ZNF430: variants seen among roughly 807,000 people sequenced by gnomAD.
The protein encoded by ZNF430 is zinc finger protein 430.
A neutral mutation model predicts 56.7 loss-of-function variants in ZNF430; 35 were observed. The ratio of observed to expected loss-of-function variants is 0.62; its 90% CI spans 0.47 to 0.82. The LOEUF is 0.82. ZNF430 is among the 40% of genes least tolerant of loss of function. The pLI, the probability that ZNF430 is intolerant of heterozygous loss-of-function variation, is 0.00. For synonymous variants in ZNF430, 212 were observed against 224.3 expected (o/e 0.94, Z 0.49); for missense variants, 574 against 661.0 (o/e 0.87, Z 1.44).
intron 4 of ZNF430, among the ~76,000 whole-genome samples, chr19:21,045,104 G>T (rs1447431082): frequency 1.3e-5 from 2 of 151,982 alleles, no homozygotes; most frequent in Non-Finnish European, 2.9e-5. Flanking sequence ...CTTATGTCTT[G>T]TCTTCTGTTA....
intron 4 of ZNF430, among the ~76,000 whole-genome samples, chr19:21,046,602 T>C (rs1431685723): frequency 6.6e-6 from 1 of 152,206 alleles, no homozygotes; most frequent in Non-Finnish European, 1.5e-5. Context: ...TTATGAAGCT[T>C]AGTTTTCCTG....
At chr19:21,043,237 G>A (rs1186457272) in intron 4 of ZNF430, among the ~76,000 whole-genome samples, 8 of 152,156 alleles carry the variant, frequency 5.3e-5, no homozygotes, top group African/African-American at 1.7e-4. Context: ...TTCTTCTAAC[G>A]TTTTTATAGT....
At chr19:21,044,013 G>T (rs1329489182) in intron 4 of ZNF430, among the ~76,000 whole-genome samples, 2 of 150,182 alleles carry the variant, frequency 1.3e-5, no homozygotes, top group African/African-American at 4.9e-5. Context: ...GGGCATTCTA[G>T]ATATGGGATC....
intron 4 of ZNF430, among the ~76,000 whole-genome samples, chr19:21,049,950 A>G (rs1157982267): frequency 3.1e-4 from 4 of 13,080 alleles, no homozygotes; most frequent in African/African-American, 1.4e-3. Flanking sequence ...TTTGAGACAG[A>G]GTCTCTCTCT....
intron 4 of ZNF430, among the ~76,000 whole-genome samples, chr19:21,048,164 C>CTTTTTTTTT (rs536496163): frequency 5.0e-5 from 3 of 59,816 alleles, no homozygotes; most frequent in East Asian, 6.7e-4. Context: ...CATAAAACAT[C>CTTTTTTTTT]TTTTTTTTTT....
At chr19:21,038,385 CT>C (rs757298347) in intron 4 of ZNF430, among the ~76,000 whole-genome samples, 1 of 151,874 alleles carries the variant, frequency 6.6e-6, no homozygotes, top group Non-Finnish European at 1.5e-5. Context: ...GTTCATCTGC[CT>C]TTGTGTCAAT....
chr19:21,033,153 G>C (rs552016595), intron 2 of ZNF430, among the ~76,000 whole-genome samples: 1 of 152,122 alleles, frequency 6.6e-6, no homozygotes, highest in Admixed American at 6.5e-5. Flanking sequence ...TTGAGAGTTC[G>C]TGACCAGCCT....
At chr19:21,023,091 A>T (rs183234251) in intron 2 of ZNF430, among the ~76,000 whole-genome samples, 2 of 152,206 alleles carry the variant, frequency 1.3e-5, no homozygotes, top group African/African-American at 4.8e-5. Context: ...CAGAAAAAAT[A>T]GTATCCCAAA....
chr19:21,034,378 C>G lies in ZNF430; in HGVS notation c.322+194C>G, dbSNP rs936592850. On this transcript the variant is annotated intron_variant, in intron 4 of 4. Coordinates refer to ENST00000261560, the MANE Select transcript of ZNF430 (RefSeq NM_025189.4). ...GCTTTTAAATTCAAGGATTCTTTCC[C>G]CTTGGTGATCTCCCTTCAAGTTTGC... is the stretch of plus-strand genomic sequence containing the variant. The G allele has an allele frequency of 9.0e-6, 4 of 442,464 alleles. No individual in the cohort carries two copies. In the East Asian group the frequency reaches 1.1e-4, roughly 12 times the overall value. The allele number at this position is 442,464 out of a possible 1,614,324, so 27.4% of individuals were successfully genotyped here. A position where few individuals can be genotyped will look rare whatever the true frequency, so the allele number is the denominator to read the frequency against.
intron 4 of ZNF430, among the ~76,000 whole-genome samples, chr19:21,050,737 T>C (rs895940341): frequency 6.6e-6 from 1 of 152,132 alleles, no homozygotes; most frequent in Admixed American, 6.6e-5. Context: ...TTTTAAAATA[T>C]GCTGTTTAGG....
chr19:21,053,080 T>G (rs932316191), intron 4 of ZNF430, among the ~76,000 whole-genome samples: 2 of 152,168 alleles, frequency 1.3e-5, no homozygotes, highest in African/African-American at 2.4e-5. Context: ...GCATCGCGAC[T>G]GTTCAGGACT....
intron 2 of ZNF430, among the ~76,000 whole-genome samples, chr19:21,024,844 CA>C (rs1217521570): frequency 6.6e-6 from 1 of 151,294 alleles, no homozygotes; most frequent in Non-Finnish European, 1.5e-5. Context: ...GATTTTAGAT[CA>C]GAGAATGTTT....
Position 21,034,183 on chromosome 19 carries a change from A to AG in ZNF430, c.322+1dup, listed in dbSNP as rs1315107905. 1 of 1,590,700 alleles carries AG rather than the reference A, an allele frequency of 6.3e-7. No individual in the cohort carries two copies. Among genetic ancestry groups the AG allele is most frequent in the Non-Finnish European group, 8.6e-7 (1 of 1,166,138 alleles). On this transcript the variant is annotated frameshift_variant and splice_region_variant, in exon 4 of 5. Coordinates refer to ENST00000261560, the MANE Select transcript of ZNF430 (RefSeq NM_025189.4). LOFTEE classifies it high-confidence loss of function. ...GACATGCGATGGTAGATCAACCCCCAGGTAGGTGAGAGTGAACACAACAGA... is the reference window on the plus strand; with the variant it reads ...GACATGCGATGGTAGATCAACCCCCAGGGTAGGTGAGAGTGAACACAACAGA...
intron 2 of ZNF430, among the ~76,000 whole-genome samples, chr19:21,026,358 T>A (rs1206494966): frequency 6.6e-6 from 1 of 151,900 alleles, no homozygotes. Flanking sequence ...CTGGCCAGTT[T>A]TTGTATTTTT....
chr19:21,041,424 T>G (rs1968100610), intron 4 of ZNF430, among the ~76,000 whole-genome samples: 1 of 152,160 alleles, frequency 6.6e-6, no homozygotes, highest in Non-Finnish European at 1.5e-5. Flanking sequence ...TTTTATTAAG[T>G]AGTTTAATTA....
chr19:21,049,560 C>T (rs1482731100), intron 4 of ZNF430: 1 of 152,122 alleles, frequency 6.6e-6, no homozygotes, highest in Non-Finnish European at 1.5e-5. Flanking sequence ...ATCTGACTGC[C>T]TTGGCTTCCT....
chr19:21,037,452 C>G lies in ZNF430; in HGVS notation c.322+3268C>G, dbSNP rs116269130. 7.2e-3 allele frequency among the ~76,000 whole-genome samples: 1,096 copies of G among 152,174 alleles called. 16 individuals are homozygous for G. Among genetic ancestry groups the G allele is most frequent in the African/African-American group, 0.026 (1,068 of 41,510 alleles). ...TTTTAAGACTGAATAATATTTCGCTCTACACATATGTTACATTTTTGATAT... is the reference window on the plus strand; with the variant it reads ...TTTTAAGACTGAATAATATTTCGCTGTACACATATGTTACATTTTTGATAT... On this transcript the variant is annotated intron_variant, in intron 4 of 4. Coordinates refer to ENST00000261560, the MANE Select transcript of ZNF430 (RefSeq NM_025189.4).
At chr19:21,035,500 G>T (rs200294279) in intron 4 of ZNF430, 20 of 194,084 alleles carry the variant, frequency 1.0e-4, no homozygotes, top group Non-Finnish European at 1.7e-4. Flanking sequence ...AATTTCAGTG[G>T]CTTTTTAAAA....
Position 21,049,375 on chromosome 19 carries a change from A to C in ZNF430, c.323-7256A>C, listed in dbSNP as rs565215311. 2.0e-5 allele frequency: 3 copies of C among 152,032 alleles called. No homozygotes were observed. The South Asian group carries it at 6.2e-4, about 32-fold the overall frequency. 9.4% of individuals were successfully genotyped at this position (152,032 alleles called of 1,614,324 possible). ...TTTTATGCACCATTATGATAGTAAA[A>C]AATTCTATATGTATCTGTATATTTA... On this transcript the variant is annotated intron_variant, in intron 4 of 4. Coordinates refer to ENST00000261560, the MANE Select transcript of ZNF430 (RefSeq NM_025189.4).
Sources: gnomAD v4.1 joint callset for allele counts (sites outside exome capture counted in the v4.1 genomes callset) on GRCh38, gnomAD v4.1.1 for gene constraint, MANE v1.5 for transcripts, NCBI Gene and HGNC (gene_info 2026-07-23, HGNC 2026-07-21) for gene names.